Variants in TRAF1 observed in about 807,000 individuals in gnomAD.
The protein encoded by TRAF1 is TNF receptor-associated factor 1.
In TRAF1, 23 loss-of-function variants were observed where a neutral mutation model predicts 40.9. The ratio of observed to expected loss-of-function variants is 0.56; its 90% CI spans 0.40 to 0.80. The LOEUF (loss-of-function observed/expected upper bound fraction) is 0.80. TRAF1 is among the 30% of genes least tolerant of loss of function. TRAF1 has a pLI of 0.00. For missense variants in TRAF1, 477 were observed against 528.7 expected (o/e 0.90, Z 0.96); for synonymous variants, 206 against 218.8 (o/e 0.94, Z 0.52).
intron 3 of TRAF1, among the ~76,000 whole-genome samples, chr9:120,917,790 G>A (rs10118357): frequency 0.45 from 67,539 of 151,370 alleles, 17,859 homozygotes; most frequent in South Asian, 0.69. Flanking sequence ...TGGGCCTCCT[G>A]GATAATCCAA....
chr9:120,909,451 G>T, intron 6 of TRAF1, 73 bp from the exon 7 acceptor site: 4 of 1,564,952 alleles, frequency 2.6e-6, no homozygotes, highest in Non-Finnish European at 3.5e-6. Context: ...CCAGTGGTCA[G>T]GCATGCCCAA....
intron 7 of TRAF1, among the ~76,000 whole-genome samples, chr9:120,907,028 C>T (rs2046488262): frequency 6.6e-6 from 1 of 152,078 alleles, no homozygotes; most frequent in Non-Finnish European, 1.5e-5. Flanking sequence ...ATCACAATGC[C>T]CAGCTAATTT....
chr9:120,911,984 G>A (rs1188225655), intron 5 of TRAF1, among the ~76,000 whole-genome samples: 2 of 152,184 alleles, frequency 1.3e-5, no homozygotes, highest in African/African-American at 4.8e-5. Context: ...TGGAGCAAGA[G>A]TTACATAAAT....
At chr9:120,921,025 C>T (rs759429083) in intron 3 of TRAF1, among the ~76,000 whole-genome samples, 7 of 152,068 alleles carry the variant, frequency 4.6e-5, no homozygotes, top group Non-Finnish European at 7.4e-5. Flanking sequence ...CATGACTTAC[C>T]GCCCCTCCCC....
chr9:120,918,328 A>T (rs762016400), intron 3 of TRAF1, among the ~76,000 whole-genome samples: 1 of 152,058 alleles, frequency 6.6e-6, no homozygotes, highest in Admixed American at 6.6e-5. Context: ...ATTATTACTA[A>T]TAATAAATTA....
chr9:120,925,923 T>C lies in TRAF1; in HGVS notation c.140+13A>G, dbSNP rs2046637040. ...CCACTTTCTGCCCACCCTCCGCTCC[T>C]CCATCACCTCACCTCGGGTTCTCAG... is the stretch of plus-strand genomic sequence containing the variant. On this transcript the variant is annotated intron_variant, in intron 2 of 7. Coordinates refer to ENST00000373887, the MANE Select transcript of TRAF1 (RefSeq NM_005658.5). 6.2e-7 allele frequency: 1 copy of C among 1,613,650 alleles called. No homozygotes were observed. Among genetic ancestry groups the C allele is most frequent in the Non-Finnish European group, 8.5e-7 (1 of 1,179,892 alleles).
At chr9:120,929,027 G>A (rs2046658633), upstream of TRAF1, 1 of 152,222 alleles carries the variant, frequency 6.6e-6, no homozygotes, top group Non-Finnish European at 1.5e-5. The surrounding 1 kb of genome is among the most constrained non-coding windows in gnomAD (Gnocchi z 4.5). Flanking sequence ...GCCTCAGCAA[G>A]CGGGAGCTGG....
intron 4 of TRAF1, among the ~76,000 whole-genome samples, 200 bp downstream of exon 4, chr9:120,914,035 G>C (rs757410432): frequency 6.6e-6 from 1 of 152,158 alleles, no homozygotes; most frequent in African/African-American, 2.4e-5. Flanking sequence ...CCTATGCTTA[G>C]GTAAGACATT....
At chr9:120,925,600 G>T (rs2046633804) in intron 2 of TRAF1, among the ~76,000 whole-genome samples, 1 of 152,204 alleles carries the variant, frequency 6.6e-6, no homozygotes, top group African/African-American at 2.4e-5. Flanking sequence ...ACAATTCTAT[G>T]ACACAGAAAA....
chr9:120,917,778 C>T (rs1179961204), intron 3 of TRAF1, among the ~76,000 whole-genome samples: 1 of 152,036 alleles, frequency 6.6e-6, no homozygotes, highest in African/African-American at 2.4e-5. Flanking sequence ...TCTGAGGACA[C>T]TTGGGCCTCC....
At chr9:120,912,676 G>GA (rs113246674) in intron 5 of TRAF1, among the ~76,000 whole-genome samples, 51 of 150,482 alleles carry the variant, frequency 3.4e-4, no homozygotes, top group Non-Finnish European at 4.4e-4. Context: ...AAAAAAGAAA[G>GA]AAAGAAAAGA....
rs1216932746 is a variant in TRAF1, at chr9:120,926,095, C to T, written c.-20G>A. 6 of 1,545,740 alleles carry T rather than the reference C, an allele frequency of 3.9e-6. No individual in the cohort carries two copies. The highest frequency in any genetic ancestry group is 5.2e-6 in the Non-Finnish European group (6 of 1,148,590). On this transcript the variant is annotated 5_prime_UTR_variant, in exon 2 of 8. Transcript: ENST00000373887. ...GGCCATCTCAGGGTTCCAGGCTGGC[C>T]AGAGGGCCTGTTTAAGTTGCTCCAG...
chr9:120,909,131 G>A, intron 7 of TRAF1, 99 bp downstream of exon 7: 3 of 1,435,284 alleles, frequency 2.1e-6, no homozygotes, highest in Non-Finnish European at 1.9e-6. Context: ...GAGAGGGTGG[G>A]GGACTTGCCA....
chr9:120,920,015 C>T (rs544838741), intron 3 of TRAF1, among the ~76,000 whole-genome samples: 8 of 152,198 alleles, frequency 5.3e-5, no homozygotes, highest in African/African-American at 1.9e-4. Context: ...GCTATCACCG[C>T]CACCCACCAC....
Position 120,903,452 on chromosome 9 carries a change from T to A in TRAF1, c.*1568A>T, listed in dbSNP as rs2046454994. ...TGCCGTGCCACGATGCTCCGTCACC[T>A]CCTTTGATCCTCCTGTATGCTGGGC... On this transcript the variant is annotated 3_prime_UTR_variant, in exon 8 of 8. Coordinates refer to ENST00000373887, the MANE Select transcript of TRAF1 (RefSeq NM_005658.5). 6.6e-6 allele frequency: 1 copy of A among 152,314 alleles called. No individual in the cohort carries two copies. The highest frequency in any genetic ancestry group is 1.9e-4 in the East Asian group (1 of 5,194). 9.4% of individuals were successfully genotyped at this position (152,314 alleles called of 1,614,324 possible).
At chr9:120,907,868 G>A (rs777109746) in intron 7 of TRAF1, among the ~76,000 whole-genome samples, 7 of 150,848 alleles carry the variant, frequency 4.6e-5, no homozygotes, top group South Asian at 2.1e-4. Context: ...TCTTCCTTCC[G>A]TTCCTCCATT....
intron 3 of TRAF1, among the ~76,000 whole-genome samples, chr9:120,922,005 G>C (rs930259468): frequency 6.6e-6 from 1 of 152,194 alleles, no homozygotes; most frequent in African/African-American, 2.4e-5. Flanking sequence ...CCTGGGAATT[G>C]CTGCTAGCCA....
intron 7 of TRAF1, 126 bp downstream of exon 7, chr9:120,909,104 G>T: frequency 2.5e-6 from 3 of 1,222,946 alleles, no homozygotes; most frequent in Non-Finnish European, 3.4e-6. Flanking sequence ...TTTATAAAAA[G>T]GGAAACTGAT....
At position 120,911,413 on chromosome 9, in the gene TRAF1, A is replaced by C. The variant is rs1418662094; in HGVS notation, c.806T>G (p.Phe269Cys). ...LMEEASFDGT[F>C]LWKITNVTRR... ...GGTGACATTGGTGATCTTCCACAGG[A>C]AAGTGCCATCGAAGGAGGCCTCCTC... The change falls in exon 6 of 8, where the codon TTC (phenylalanine) becomes TGC (cysteine). Residue 269 changes from phenylalanine to cysteine, a missense_variant. Phe to Cys is a radical substitution (Grantham distance 205, BLOSUM62 -2). Transcript: ENST00000373887. 1.2e-6 allele frequency: 2 copies of C among 1,613,570 alleles called. No homozygotes were observed. Among genetic ancestry groups the C allele is most frequent in the Non-Finnish European group, 1.7e-6 (2 of 1,180,034 alleles).
Sources: gnomAD v4.1 joint callset for allele counts (sites outside exome capture counted in the v4.1 genomes callset) on GRCh38, gnomAD v4.1.1 for gene constraint, Gnocchi (gnomAD v3.1) non-coding constraint, MANE v1.5 for transcripts, NCBI Gene and HGNC (gene_info 2026-07-23, HGNC 2026-07-21) for gene names.